The following NEK7 variants were observed in gnomAD, a reference collection of about 807,000 sequenced individuals.
The protein encoded by NEK7 is serine/threonine-protein kinase Nek7.
A neutral mutation model predicts 44.6 loss-of-function variants in NEK7; 18 were observed. That is an observed-to-expected ratio of 0.40 (90% CI 0.28 to 0.60). The LOEUF is 0.60. Ranked by LOEUF, NEK7 falls within the 20% of genes least tolerant of loss-of-function variation. NEK7 has a pLI of 0.38. For synonymous variants in NEK7, 130 were observed against 121.1 expected, an observed-to-expected ratio of 1.07 and a Z score of -0.48; for missense variants, 256 against 366.5, an observed-to-expected ratio of 0.70 and a Z score of 2.46.
chr1:198,266,309 A>G (rs1167663554), intron 5 of NEK7, among the ~76,000 whole-genome samples: 1 of 152,106 alleles, frequency 6.6e-6, no homozygotes, highest in East Asian at 1.9e-4. Context: ...TTTAAATGAT[A>G]ATAGCTATTG....
At chr1:198,189,566 G>A (rs1040863202) in intron 1 of NEK7, among the ~76,000 whole-genome samples, 1 of 152,034 alleles carries the variant, frequency 6.6e-6, no homozygotes, top group Non-Finnish European at 1.5e-5. Flanking sequence ...TTTTCGGCCT[G>A]GGTTGAACAA....
intron 3 of NEK7, among the ~76,000 whole-genome samples, chr1:198,261,174 CCTTAGGTTT>C (rs1042307819): frequency 6.6e-6 from 1 of 151,938 alleles, no homozygotes; most frequent in African/African-American, 2.4e-5. Flanking sequence ...GGAATTTCTT[CCTTAGGTTT>C]CTAATACTAC....
At chr1:198,310,541 G>A (rs138942754) in intron 9 of NEK7, among the ~76,000 whole-genome samples, 5,922 of 139,278 alleles carry the variant, frequency 0.043, 499 homozygotes, top group Non-Finnish European at 0.064. Context: ...GAATGGTAAC[G>A]CCTAGGTTTT....
intron 1 of NEK7, among the ~76,000 whole-genome samples, chr1:198,179,356 TTAAA>T (rs747612846): frequency 6.6e-6 from 1 of 152,094 alleles, no homozygotes; most frequent in Non-Finnish European, 1.5e-5. Context: ...TTTTCAAAAC[TTAAA>T]TAGACATTCT....
At chr1:198,173,885 A>G (rs1445907811) in intron 1 of NEK7, among the ~76,000 whole-genome samples, 3 of 152,184 alleles carry the variant, frequency 2.0e-5, no homozygotes, top group African/African-American at 7.2e-5. Flanking sequence ...TTCTTTGGAT[A>G]GTATTTCCAT....
At chr1:198,312,372 A>T (rs1655215592) in intron 9 of NEK7, among the ~76,000 whole-genome samples, 2 of 150,064 alleles carry the variant, frequency 1.3e-5, no homozygotes, top group African/African-American at 2.5e-5. Context: ...AATTTTGTTG[A>T]TCCTTTCAAA....
rs143340076 is a variant in NEK7, at chr1:198,316,585, A to C, written c.799-2827A>C. Among the ~76,000 whole-genome samples, 5 of 152,330 alleles carry C rather than the reference A, an allele frequency of 3.3e-5. No homozygotes were observed. The East Asian group carries it at 9.6e-4, about 29-fold the overall frequency. ...CTCACAGATATCTCTTGAGATACCT[A>C]TCACTTTGTAGTTTATAATAGAATT... is the stretch of plus-strand genomic sequence containing the variant. On this transcript the variant is annotated intron_variant, in intron 9 of 9. Transcript: ENST00000367385.
chr1:198,184,649 CT>C (rs1664863550), intron 1 of NEK7, among the ~76,000 whole-genome samples: 1 of 152,076 alleles, frequency 6.6e-6, no homozygotes. Flanking sequence ...CAAGATTACC[CT>C]TACTTCCATT....
intron 9 of NEK7, among the ~76,000 whole-genome samples, chr1:198,309,332 G>C (rs895860627): frequency 5.3e-5 from 8 of 152,042 alleles, no homozygotes; most frequent in African/African-American, 1.9e-4. Context: ...AAATAGGGTG[G>C]GGTGGGGGAA....
At chr1:198,182,435 G>A (rs889669119) in intron 1 of NEK7, among the ~76,000 whole-genome samples, 9 of 151,984 alleles carry the variant, frequency 5.9e-5, no homozygotes, top group Admixed American at 5.3e-4. Flanking sequence ...ATGTGTGTGC[G>A]CATGTGAGAG....
intron 5 of NEK7, among the ~76,000 whole-genome samples, chr1:198,274,416 G>T (rs1198418839): frequency 6.6e-6 from 1 of 151,586 alleles, no homozygotes; most frequent in South Asian, 2.1e-4. Context: ...TGCCAGACCT[G>T]CATAACACAG....
At chr1:198,298,069 A>G (rs1011110659) in intron 9 of NEK7, among the ~76,000 whole-genome samples, 1 of 152,184 alleles carries the variant, frequency 6.6e-6, no homozygotes, top group Non-Finnish European at 1.5e-5. Flanking sequence ...GTCAACTAAA[A>G]TGTTTCATAT....
intron 1 of NEK7, among the ~76,000 whole-genome samples, chr1:198,219,585 A>G (rs1393313495): frequency 6.6e-6 from 1 of 151,788 alleles, no homozygotes; most frequent in Non-Finnish European, 1.5e-5. Context: ...TGAGGGATGA[A>G]AAACTACTTT....
rs777134261 is a variant in NEK7 at position 198,236,299 on chromosome 1, A to G, written c.57+3662A>G. ...CATAGGCATTGAGTAGAGTGCTTCT[A>G]TTTTTGGAAGTCTTTACAGAAATTT... On this transcript the variant is annotated intron_variant, in intron 2 of 9. Transcript: ENST00000367385. Among the ~76,000 whole-genome samples the G allele has an allele frequency of 3.9e-5, 6 of 152,250 alleles. 1 individual carries two copies. The highest frequency in any genetic ancestry group is 2.1e-4 in the South Asian group (1 of 4,826).
chr1:198,256,866 T>C (rs919561286), intron 3 of NEK7, among the ~76,000 whole-genome samples: 4 of 152,184 alleles, frequency 2.6e-5, no homozygotes, highest in Non-Finnish European at 5.9e-5. Context: ...CAAAAACTTA[T>C]TTTGATCTGG....
chr1:198,256,760 T>G (rs774542135), intron 3 of NEK7, among the ~76,000 whole-genome samples: 1 of 152,172 alleles, frequency 6.6e-6, no homozygotes, highest in Non-Finnish European at 1.5e-5. Context: ...GGAGCAGCCT[T>G]GAAGAGAACA....
chr1:198,289,639 G>A (rs1042507747), intron 7 of NEK7, among the ~76,000 whole-genome samples: 1 of 152,162 alleles, frequency 6.6e-6, no homozygotes, highest in Admixed American at 6.6e-5. Context: ...ATGTGAGGAT[G>A]CTTCAGTCGT....
chr1:198,232,687 A>G, intron 2 of NEK7, 50 bp downstream of exon 2: 1 of 1,080,070 alleles, frequency 9.3e-7, no homozygotes, highest in Non-Finnish European at 1.4e-6. Context: ...TCTGTGTTAA[A>G]TATGTGTAAG....
intron 2 of NEK7, among the ~76,000 whole-genome samples, chr1:198,242,531 G>A (rs1666714806): frequency 1.4e-5 from 2 of 145,736 alleles, no homozygotes; most frequent in African/African-American, 5.1e-5. Flanking sequence ...GGAGTGCAGT[G>A]GCTCACTGCA....
Sources: gnomAD v4.1 joint callset for allele counts (sites outside exome capture counted in the v4.1 genomes callset) on GRCh38, gnomAD v4.1.1 for gene constraint, MANE v1.5 for transcripts, NCBI Gene and HGNC (gene_info 2026-07-23, HGNC 2026-07-21) for gene names.